SHISA6: variants seen among roughly 807,000 people sequenced by gnomAD.
SHISA6 encodes shisa family member 6.
SHISA6 carries 22 observed loss-of-function variants against 47.9 expected under a neutral mutation model. The observed-to-expected ratio is 0.46, with a 90% CI of 0.33 to 0.66. SHISA6 has a LOEUF of 0.66. Ranked by LOEUF, SHISA6 falls within the 30% of genes least tolerant of loss-of-function variation. The pLI, the probability that SHISA6 is intolerant of heterozygous loss-of-function variation, is 0.02. For missense variants in SHISA6, 680 were observed against 764.6 expected (o/e 0.89, Z 1.30); for synonymous variants, 388 against 337.8 (o/e 1.15, Z -1.63).
chr17:11,316,284 T>C (rs1394065405), intron 2 of SHISA6, among the ~76,000 whole-genome samples: 1 of 152,000 alleles, frequency 6.6e-6, no homozygotes, highest in Non-Finnish European at 1.5e-5. Context: ...TCTGTTTTAT[T>C]TACTGGACTT....
chr17:11,377,849 A>G (rs1912860412), intron 2 of SHISA6, among the ~76,000 whole-genome samples: 1 of 152,212 alleles, frequency 6.6e-6, no homozygotes, highest in Non-Finnish European at 1.5e-5. Flanking sequence ...ACCCCACTCA[A>G]TTGAATCAGA....
Position 11,263,494 on chromosome 17 carries a change from A to G in SHISA6, c.767A>G (p.Tyr256Cys). Residue 256 changes from tyrosine (Y) to cysteine (C), a missense_variant, in exon 2 of 6, where the codon TAC becomes TGC. By Grantham distance (194) the Tyr-to-Cys change is radical. Coordinates refer to ENST00000441885, the MANE Select transcript of SHISA6 (RefSeq NM_207386.4). ...GTCAGATCGTCCTCCAAAAACCACT[A>G]CACTCCTGTGCGTACGGCCAAGCAG... ...TPVRSSSKNH[Y>C]TPVRTAKQTP... 6.4e-7 allele frequency: 1 copy of G among 1,551,642 alleles called. No homozygotes were observed.
At chr17:11,322,728 G>A (rs1039183304) in intron 2 of SHISA6, among the ~76,000 whole-genome samples, 1 of 152,092 alleles carries the variant, frequency 6.6e-6, no homozygotes, top group African/African-American at 2.4e-5. Context: ...GTGCATACAT[G>A]GGTTGATCTG....
Position 11,471,141 on chromosome 17 carries a change from G to A in SHISA6, c.896-80755G>A, listed in dbSNP as rs191099733. ...GGAGAATCGCTTGAACCCGGGAGGCGGAGGTTGCAGTGAGCCAAGATCATG... is the reference window on the plus strand; with the variant it reads ...GGAGAATCGCTTGAACCCGGGAGGCAGAGGTTGCAGTGAGCCAAGATCATG... On this transcript the variant is annotated intron_variant, in intron 3 of 5. Coordinates refer to ENST00000441885, the MANE Select transcript of SHISA6 (RefSeq NM_207386.4). Among the ~76,000 whole-genome samples the A allele has an allele frequency of 3.9e-3, 594 of 151,094 alleles. 4 individuals are homozygous for A. The highest frequency in any genetic ancestry group is 0.014 in the African/African-American group (559 of 40,948).
intron 2 of SHISA6, among the ~76,000 whole-genome samples, chr17:11,322,070 T>C (rs1409790245): frequency 1.3e-5 from 2 of 152,182 alleles, no homozygotes; most frequent in Admixed American, 6.5e-5. Context: ...ATTATGTCTC[T>C]TTAATTTATC....
chr17:11,243,073 G>T (rs900382917), intron 1 of SHISA6, among the ~76,000 whole-genome samples: 1 of 151,772 alleles, frequency 6.6e-6, no homozygotes, highest in Admixed American at 6.6e-5. Context: ...TCTGTTGCAT[G>T]GTGTGGGCAC....
chr17:11,355,722 A>T (rs1912058882), intron 2 of SHISA6, among the ~76,000 whole-genome samples: 1 of 152,230 alleles, frequency 6.6e-6, no homozygotes, highest in Non-Finnish European at 1.5e-5. Context: ...AAGGGAACGG[A>T]TGAGCTTGAA....
intron 3 of SHISA6, among the ~76,000 whole-genome samples, chr17:11,504,639 T>C (rs560783402): frequency 5.6e-4 from 86 of 152,234 alleles, no homozygotes; most frequent in African/African-American, 2.0e-3. Flanking sequence ...GGAAAGTTTA[T>C]TTACAACTTA....
chr17:11,302,497 A>G (rs1909963623), intron 2 of SHISA6, among the ~76,000 whole-genome samples: 1 of 152,118 alleles, frequency 6.6e-6, no homozygotes, highest in Non-Finnish European at 1.5e-5. Flanking sequence ...ATCTGCCTGT[A>G]TTTTATTGCA....
intron 2 of SHISA6, among the ~76,000 whole-genome samples, chr17:11,276,037 G>C (rs1357653346): frequency 6.6e-6 from 1 of 151,892 alleles, no homozygotes; most frequent in Non-Finnish European, 1.5e-5. Flanking sequence ...GTGTGCAGTG[G>C]TGCAATCTCT....
chr17:11,502,363 C>G (rs552408455), intron 3 of SHISA6, among the ~76,000 whole-genome samples: 20 of 140,678 alleles, frequency 1.4e-4, no homozygotes, highest in South Asian at 4.6e-4. Context: ...GAGCTGAGAT[C>G]GCGCCACTGG....
At position 11,499,698 on chromosome 17, in the gene SHISA6, T is replaced by TG. The variant is rs1555540215; in HGVS notation, c.896-52198_896-52197insG. Among the ~76,000 whole-genome samples the TG allele has an allele frequency of 6.5e-3, 954 of 146,576 alleles. 7 individuals carry two copies. The highest frequency in any genetic ancestry group is 0.011 in the Non-Finnish European group (731 of 67,406). On this transcript the variant is annotated intron_variant, in intron 3 of 5. Transcript: ENST00000441885. Reference sequence around the variant, plus strand: ...CTTTTTCTTTCTTTTTTTTTTTTTTTTTGTTGTTGTTGTTGTTGTTTGAGA... The same window carrying TG: ...CTTTTTCTTTCTTTTTTTTTTTTTTTGTTGTTGTTGTTGTTGTTGTTTGAGA...
At chr17:11,548,723 A>G (rs1002891253) in intron 3 of SHISA6, among the ~76,000 whole-genome samples, 2 of 152,140 alleles carry the variant, frequency 1.3e-5, no homozygotes, top group African/African-American at 2.4e-5. Flanking sequence ...AACAATTTAA[A>G]TACCAAAAAT....
intron 3 of SHISA6, among the ~76,000 whole-genome samples, chr17:11,542,339 A>AC (rs1427100977): frequency 6.6e-6 from 1 of 152,018 alleles, no homozygotes; most frequent in Non-Finnish European, 1.5e-5. Context: ...TACAAGAAAA[A>AC]AAAAAAAAAG....
At chr17:11,495,576 TTTC>T (rs2071401410) in intron 3 of SHISA6, among the ~76,000 whole-genome samples, 1 of 152,066 alleles carries the variant, frequency 6.6e-6, no homozygotes, top group Non-Finnish European at 1.5e-5. Context: ...GTGTCCAGGG[TTTC>T]TTTCAAGGTT....
At chr17:11,377,243 C>T (rs1037421888) in intron 2 of SHISA6, among the ~76,000 whole-genome samples, 1 of 152,150 alleles carries the variant, frequency 6.6e-6, no homozygotes, top group African/African-American at 2.4e-5. Context: ...GCTGGGGTTA[C>T]AGGCATGAAC....
intron 2 of SHISA6, among the ~76,000 whole-genome samples, chr17:11,363,067 C>T (rs1409765707): frequency 2.0e-5 from 3 of 152,328 alleles, no homozygotes; most frequent in East Asian, 3.9e-4. Flanking sequence ...CATTCCTCAT[C>T]CTTGTGAGCC....
At chr17:11,267,570 C>A (rs557025015) in intron 2 of SHISA6, among the ~76,000 whole-genome samples, 1 of 152,280 alleles carries the variant, frequency 6.6e-6, no homozygotes, top group East Asian at 1.9e-4. Context: ...CAAACAAAAA[C>A]AAACTTCCAC....
chr17:11,479,360 G>T lies in SHISA6; in HGVS notation c.896-72536G>T, dbSNP rs1849588. ...TCATTCTCAGCAAACTAACACAGGA[G>T]CAGAAAACCAAACACCACATGTTCT... is the stretch of plus-strand genomic sequence containing the variant. On this transcript the variant is annotated intron_variant, in intron 3 of 5. Transcript: ENST00000441885. Among the ~76,000 whole-genome samples, 337 of 152,058 alleles carry T rather than the reference G, an allele frequency of 2.2e-3. 3 individuals carry two copies. Among genetic ancestry groups the T allele is most frequent in the African/African-American group, 7.6e-3 (317 of 41,510 alleles).
Sources: allele counts gnomAD v4.1 joint callset (sites outside exome capture counted in the v4.1 genomes callset), GRCh38; gene constraint gnomAD v4.1.1; transcripts MANE v1.5; gene names NCBI Gene and HGNC (gene_info 2026-07-23, HGNC 2026-07-21).